Variants in WIPF1 observed in about 807,000 individuals in gnomAD.
The protein encoded by WIPF1 is WAS/WASL-interacting protein family member 1.
In WIPF1, 13 loss-of-function variants were observed where a neutral mutation model predicts 35.4. The observed-to-expected ratio is 0.37, with a 90% CI of 0.24 to 0.58. The LOEUF is 0.58. Among genes scored for constraint, WIPF1 ranks in the 20% least tolerant of loss-of-function variants. The probability of loss-of-function intolerance (pLI) is 0.74; values close to 1 mark genes in which losing one functional copy is unlikely to be tolerated. For missense variants in WIPF1, 591 were observed against 667.0 expected (o/e 0.89, Z 1.25); for synonymous variants, 267 against 266.3 (o/e 1.00, Z -0.02).
intron 1 of WIPF1, among the ~76,000 whole-genome samples, chr2:174,627,440 CTT>C (rs1312570577): frequency 1.3e-5 from 2 of 148,640 alleles, no homozygotes; most frequent in Non-Finnish European, 1.5e-5. Flanking sequence ...TTTCCTTTCT[CTT>C]TCTTTCCTTT....
intron 1 of WIPF1, among the ~76,000 whole-genome samples, chr2:174,588,683 G>C (rs1020088920): frequency 6.6e-6 from 1 of 152,198 alleles, no homozygotes; most frequent in Non-Finnish European, 1.5e-5. Flanking sequence ...GCTGGGGCCA[G>C]AGCCAAGGCC....
rs936836408 is a variant in WIPF1 at position 174,562,151 on chromosome 2, G to A, written c.*396C>T. Reference sequence around the variant, plus strand: ...CTGTGGTTCATAGAAACAGAGAGGAGGCCAAGCATGCGAAAAAGGAACGGG... The same window carrying A: ...CTGTGGTTCATAGAAACAGAGAGGAAGCCAAGCATGCGAAAAAGGAACGGG... On this transcript the variant is annotated 3_prime_UTR_variant, in exon 8 of 8. Coordinates refer to ENST00000679041, the MANE Select transcript of WIPF1 (RefSeq NM_001375834.1). The A allele has an allele frequency of 1.3e-6, 2 of 1,550,412 alleles. No individual in the cohort carries two copies. The highest frequency in any genetic ancestry group is 1.4e-5 in the African/African-American group (1 of 72,998).
chr2:174,630,562 T>A (rs1473148182), intron 1 of WIPF1: 1 of 152,178 alleles, frequency 6.6e-6, no homozygotes, highest in Non-Finnish European at 1.5e-5. Flanking sequence ...TTCTGGTTCC[T>A]TTTTTTGGGA....
rs1574842458 is a variant in WIPF1 at position 174,622,741 on chromosome 2, C to G, written c.-38-37130G>C. Among the ~76,000 whole-genome samples the G allele has an allele frequency of 6.6e-6, 1 of 152,310 alleles. No homozygotes were observed. Among genetic ancestry groups the G allele is most frequent in the East Asian group, 1.9e-4 (1 of 5,186 alleles). On this transcript the variant is annotated intron_variant, in intron 1 of 8. Transcript: ENST00000272746. This position sits in a 1 kb window ranked among gnomAD's most constrained non-coding sequence, Gnocchi z 5.1. ...AATTTTATATGGCAACCTGTATTAA[C>G]TATAAGGAAATTCTTAACAATTTTT...
chr2:174,572,192 G>A lies in WIPF1; in HGVS notation c.613C>T (p.Pro205Ser), dbSNP rs150415094. 1 of 1,614,048 alleles carries A rather than the reference G, an allele frequency of 6.2e-7. No homozygotes were observed. Among genetic ancestry groups the A allele is most frequent in the African/African-American group, 1.3e-5 (1 of 74,934 alleles). ...GGCTGCCTGGGGCCTCCGGGCACTG[G>A]TGGGGACCCCCGGTTGTGCGGACTT... ...QSSPHNRGSP[P>S]VPGGPRQPSP... Residue 205 changes from proline to serine, a missense_variant, in exon 5 of 8, where the codon CCA (proline) becomes TCA (serine). By Grantham distance (74) the Pro-to-Ser change is moderately conservative. Transcript: ENST00000679041.
chr2:174,622,703 C>T lies in WIPF1; in HGVS notation c.-38-37092G>A, dbSNP rs1309500437. 6.6e-6 allele frequency among the ~76,000 whole-genome samples: 1 copy of T among 152,186 alleles called. No homozygotes were observed. The highest frequency in any genetic ancestry group is 2.4e-5 in the African/African-American group (1 of 41,444). On this transcript the variant is annotated intron_variant, in intron 1 of 8. Transcript: ENST00000272746. This position sits in a 1 kb window ranked among gnomAD's most constrained non-coding sequence, Gnocchi z 5.1. ...TCTGGCTGATTAGCACTTGTGTCTG[C>T]CCCGCGGTCAGAAATTTTATATGGC...
intron 1 of WIPF1, among the ~76,000 whole-genome samples, chr2:174,594,925 C>T (rs1423986051): frequency 6.6e-6 from 1 of 150,410 alleles, no homozygotes; most frequent in Admixed American, 6.7e-5. Flanking sequence ...CATTTGTAAT[C>T]TCAGATTCCC....
chr2:174,646,210 CG>C (rs930768325), intron 1 of WIPF1, among the ~76,000 whole-genome samples: 7 of 152,180 alleles, frequency 4.6e-5, no homozygotes, highest in African/African-American at 1.7e-4. Context: ...ATATGTAACA[CG>C]GGACCAAGAG....
intron 1 of WIPF1, among the ~76,000 whole-genome samples, chr2:174,606,792 A>T (rs1376289081): frequency 6.6e-6 from 1 of 152,224 alleles, no homozygotes; most frequent in Non-Finnish European, 1.5e-5. Flanking sequence ...ATGTGAAGAG[A>T]TACTGCAGTA....
chr2:174,631,706 T>C (rs1030184929), intron 1 of WIPF1, among the ~76,000 whole-genome samples: 2 of 152,232 alleles, frequency 1.3e-5, no homozygotes, highest in Admixed American at 6.5e-5. Context: ...CGGGAACTTC[T>C]TTCTGAGAAA....
intron 1 of WIPF1, among the ~76,000 whole-genome samples, chr2:174,669,235 A>T (rs1687956042): frequency 6.6e-6 from 1 of 152,218 alleles, no homozygotes; most frequent in Admixed American, 6.5e-5. Flanking sequence ...GTGAATCCAG[A>T]TGAAGACCCC....
At chr2:174,651,737 C>A (rs1200951493) in intron 1 of WIPF1, among the ~76,000 whole-genome samples, 3 of 152,152 alleles carry the variant, frequency 2.0e-5, no homozygotes, top group African/African-American at 7.2e-5. Context: ...TGCTGCATAA[C>A]CAAAGGACCC....
At chr2:174,644,690 G>C (rs1396173830) in intron 1 of WIPF1, among the ~76,000 whole-genome samples, 1 of 152,182 alleles carries the variant, frequency 6.6e-6, no homozygotes, top group Non-Finnish European at 1.5e-5. Flanking sequence ...TGAGGAATCT[G>C]TTCTAGATTA....
intron 1 of WIPF1, chr2:174,626,017 G>C (rs1686822552): frequency 6.6e-6 from 1 of 152,052 alleles, no homozygotes; most frequent in South Asian, 2.1e-4. Context: ...CATAATATCT[G>C]TTTCAATGAC....
At chr2:174,586,909 AG>A (rs1382411215) in intron 1 of WIPF1, among the ~76,000 whole-genome samples, 1 of 152,256 alleles carries the variant, frequency 6.6e-6, no homozygotes, top group Non-Finnish European at 1.5e-5. Context: ...GCCTTAAGCC[AG>A]CGGGCAGTCT....
intron 1 of WIPF1, among the ~76,000 whole-genome samples, chr2:174,668,552 T>G (rs779248328): frequency 2.2e-4 from 34 of 152,234 alleles, no homozygotes; most frequent in Non-Finnish European, 1.3e-4. Flanking sequence ...AAGATTTTCT[T>G]CCTCATTAAA....
Position 174,622,632 on chromosome 2 carries a change from T to A in WIPF1, c.-38-37021A>T, listed in dbSNP as rs1360009775. Among the ~76,000 whole-genome samples the A allele has an allele frequency of 6.6e-6, 1 of 152,236 alleles. No homozygotes were observed. Among genetic ancestry groups the A allele is most frequent in the Non-Finnish European group, 1.5e-5 (1 of 68,042 alleles). The stretch of plus-strand genomic sequence containing the variant: ...AATCCCCACTCTCCTATGAGCAGGC[T>A]GATGGTCACTGCTACCCACTGGTTG... On this transcript the variant is annotated intron_variant, in intron 1 of 8. Transcript: ENST00000272746. The surrounding 1 kb of genome is among the most constrained non-coding windows in gnomAD (Gnocchi z 5.1).
intron 1 of WIPF1, among the ~76,000 whole-genome samples, chr2:174,621,981 G>C (rs2105916591): frequency 6.6e-6 from 1 of 152,280 alleles, no homozygotes; most frequent in East Asian, 1.9e-4. Flanking sequence ...AGCCCGCTGG[G>C]CCCTCCAAAT....
In WIPF1 at chr2:174,649,679, G is replaced by C. The variant is rs535677444; in HGVS notation, c.-39+33095C>G. ...CATGTGGCCCTATGTGGTGTGCTGT[G>C]CCTTTATATGTAGGACTCGTAAGTA... On this transcript the variant is annotated intron_variant, in intron 1 of 8. Transcript: ENST00000272746. Among the ~76,000 whole-genome samples the C allele has an allele frequency of 7.2e-5, 11 of 152,214 alleles. No homozygotes were observed. The East Asian group carries it at 2.1e-3, about 29-fold the overall frequency.
Sources: gnomAD v4.1 joint callset for allele counts (sites outside exome capture counted in the v4.1 genomes callset) on GRCh38, gnomAD v4.1.1 for gene constraint, Gnocchi (gnomAD v3.1) non-coding constraint, MANE v1.5 for transcripts, NCBI Gene and HGNC (gene_info 2026-07-23, HGNC 2026-07-21) for gene names.